COL20A1: variants seen among roughly 807,000 people sequenced by gnomAD.
The protein encoded by COL20A1 is collagen alpha-1(XX) chain.
A neutral mutation model predicts 152.9 loss-of-function variants in COL20A1; 164 were observed. That is an observed-to-expected ratio of 1.07 (90% CI 0.94 to 1.22). COL20A1 has a LOEUF of 1.22. COL20A1 is among the 50% of genes most tolerant of loss of function. The pLI is 0.00. For missense variants in COL20A1, 1,873 were observed against 1,744.8 expected (o/e 1.07, Z -1.31); for synonymous variants, 864 against 756.0 (o/e 1.14, Z -2.34).
intron 3 of COL20A1, among the ~76,000 whole-genome samples, chr20:63,298,458 T>C (rs1299612129): frequency 1.3e-5 from 2 of 152,008 alleles, no homozygotes; most frequent in Admixed American, 1.3e-4. Context: ...TCCTGGCTAA[T>C]TTTTGTATTT....
intron 29 of COL20A1, 99 bp from the exon 30 acceptor site, chr20:63,325,997 G>T: frequency 9.1e-7 from 1 of 1,100,858 alleles, no homozygotes; most frequent in Non-Finnish European, 1.4e-6. Flanking sequence ...TTGCTGCTTG[G>T]GTTACAGGGT....
Position 63,319,603 on chromosome 20 carries a change from G to C in COL20A1, c.2916+7G>C. 6.4e-7 allele frequency: 1 copy of C among 1,556,656 alleles called. No homozygotes were observed. The highest frequency in any genetic ancestry group is 1.7e-4 in the Middle Eastern group (1 of 5,928). On this transcript the variant is annotated splice_region_variant and intron_variant, in intron 23 of 35. Coordinates refer to ENST00000358894, the MANE Select transcript of COL20A1 (RefSeq NM_020882.4). This position sits in a 1 kb window ranked among gnomAD's most constrained non-coding sequence, Gnocchi z 4.4. ...CTTCGGGAGCTTCCACAAGGTCCTG[G>C]TGCAGCTCGCGCCCCTCTCCCCCGT...
Position 63,319,647 on chromosome 20 carries a change from G to A in COL20A1, c.2916+51G>A. The A allele has an allele frequency of 7.4e-7, 1 of 1,345,594 alleles. No individual in the cohort carries two copies. The highest frequency in any genetic ancestry group is 1.0e-6 in the Non-Finnish European group (1 of 965,242). 83.4% of individuals were successfully genotyped at this position (1,345,594 alleles called of 1,614,324 possible). A position where few individuals can be genotyped will look rare whatever the true frequency, so the allele number is the denominator to read the frequency against. ...CCCCCGTTCCCCCAGCTCTGGGGCA[G>A]CCCAGCCCCACAGGGACCTGCCGGA... is the stretch of plus-strand genomic sequence containing the variant. On this transcript the variant is annotated intron_variant, in intron 23 of 35. Coordinates refer to ENST00000358894, the MANE Select transcript of COL20A1 (RefSeq NM_020882.4). This position sits in a 1 kb window ranked among gnomAD's most constrained non-coding sequence, Gnocchi z 4.4.
Position 63,306,163 on chromosome 20 carries a change from C to T in COL20A1, c.496+124C>T, listed in dbSNP as rs191488899. 219 of 844,364 alleles carry T rather than the reference C, an allele frequency of 2.6e-4. No homozygotes were observed. Among genetic ancestry groups the T allele is most frequent in the African/African-American group, 1.7e-3 (98 of 58,178 alleles). The allele number at this position is 844,364 out of a possible 1,614,324, so 52.3% of individuals were successfully genotyped here. On this transcript the variant is annotated intron_variant, in intron 5 of 35. Transcript: ENST00000358894. The surrounding 1 kb of genome is among the most constrained non-coding windows in gnomAD (Gnocchi z 6.9). ...GACCACACGGTCTCTGACCACGAGG[C>T]CAGGAAGTTCTTCCTCGTGTCTGAC...
chr20:63,327,462 C>T lies in COL20A1; in HGVS notation c.3529-490C>T, dbSNP rs142792100. On this transcript the variant is annotated intron_variant, in intron 31 of 35. Transcript: ENST00000358894. ...GCTCCATGGAGGGTAGGGGGACAGA[C>T]GTGGGAGATGGGGGTGTAGTGTCCC... The T allele has an allele frequency of 1.4e-3, 253 of 185,132 alleles. 1 individual carries two copies. Among genetic ancestry groups the T allele is most frequent in the African/African-American group, 5.4e-3 (228 of 42,326 alleles). The allele number at this position is 185,132 out of a possible 1,614,324, so 11.5% of individuals were successfully genotyped here.
rs938519302 is a variant in COL20A1, at chr20:63,332,888, T to C, written c.*2172T>C. ...GCTGAGTACGAATCAAAGGTGAGGA[T>C]GGCAAGGGAGCTGAGAGCAGCCTCC... On this transcript the variant is annotated 3_prime_UTR_variant, in exon 36 of 36. Transcript: ENST00000358894. 10 of 152,190 alleles carry C rather than the reference T, an allele frequency of 6.6e-5. No individual in the cohort carries two copies. Among genetic ancestry groups the C allele is most frequent in the African/African-American group, 2.4e-4 (10 of 41,412 alleles). 9.4% of individuals were successfully genotyped at this position (152,190 alleles called of 1,614,324 possible).
chr20:63,298,144 C>G (rs2123373080), intron 3 of COL20A1, 124 bp downstream of exon 3: 2 of 635,572 alleles, frequency 3.1e-6, no homozygotes, highest in Non-Finnish European at 5.5e-6. Flanking sequence ...GTGTCAGCAC[C>G]TCTCTGGCCT....
intron 2 of COL20A1, 83 bp downstream of exon 2, chr20:63,295,272 CCT>C: frequency 1.2e-6 from 1 of 864,708 alleles, no homozygotes; most frequent in Non-Finnish European, 1.8e-6. Flanking sequence ...GCCCTCCGCC[CCT>C]GAGCCCCGTC....
rs1399450133 is a variant in COL20A1 at position 63,325,276 on chromosome 20, C to G, written c.3295-165C>G. The G allele has an allele frequency of 4.2e-5, 30 of 714,354 alleles. No homozygotes were observed. In the Admixed American group the frequency reaches 5.6e-4, roughly 13 times the overall value. The allele number at this position is 714,354 out of a possible 1,614,324, so 44.3% of individuals were successfully genotyped here. The stretch of plus-strand genomic sequence containing the variant: ...CGCTGCCTGTGTCTCCAGGGAGAGC[C>G]CGGGCCACCCGGACAGATGGGACCA... On this transcript the variant is annotated intron_variant, in intron 27 of 35. Transcript: ENST00000358894.
At chr20:63,325,886 G>A (rs1302881703) in intron 29 of COL20A1, among the ~76,000 whole-genome samples, 165 bp downstream of exon 29, 3 of 152,074 alleles carry the variant, frequency 2.0e-5, no homozygotes, top group East Asian at 3.9e-4. Context: ...CTGGCCAGAA[G>A]GCTGGAGAGC....
chr20:63,308,114 C>T (rs764642477), intron 7 of COL20A1, 24 bp downstream of exon 7: 8 of 1,610,682 alleles, frequency 5.0e-6, no homozygotes, highest in Non-Finnish European at 5.9e-6. Context: ...CTGCCCCTCC[C>T]TCTGTCCTGA....
chr20:63,321,053 C>T lies in COL20A1; in HGVS notation c.3194C>T (p.Ser1065Phe). 2 of 1,602,338 alleles carry T rather than the reference C, an allele frequency of 1.2e-6. No individual in the cohort carries two copies. The highest frequency in any genetic ancestry group is 2.3e-5 in the South Asian group (2 of 88,396). ...TGCCCCGCCTTCGTGTCTGCCTGTT[C>T]CTGTTCCTCAGAGACCCCTGGGCCC... ...ETCPAFVSAC[S>F]CSSETPGPPG... The change falls in exon 26 of 36, where the codon TCC becomes TTC. Residue 1065 changes from serine to phenylalanine, a missense_variant. Physicochemically the swap from Ser to Phe is radical, Grantham distance 155. Coordinates refer to ENST00000358894, the MANE Select transcript of COL20A1 (RefSeq NM_020882.4).
In COL20A1 at chr20:63,310,409, C is replaced by T. The variant is rs749342141; in HGVS notation, c.1292C>T (p.Thr431Met). ...EVVVEGPAAS[T>M]ELHNLASRTE... ...GTGGTGGAGGGACCCGCCGCCTCCACGGAGCTGCACAACCTGGCCTCCCGC... is the reference window on the plus strand; with the variant it reads ...GTGGTGGAGGGACCCGCCGCCTCCATGGAGCTGCACAACCTGGCCTCCCGC... Residue 431 changes from threonine (T) to methionine (M), a missense_variant, in exon 11 of 36, where the codon ACG becomes ATG. Transcript: ENST00000358894. The T allele has an allele frequency of 1.9e-5, 30 of 1,610,782 alleles. No homozygotes were observed. Among genetic ancestry groups the T allele is most frequent in the Middle Eastern group, 1.6e-4 (1 of 6,066 alleles).
chr20:63,305,486 C>G lies in COL20A1; in HGVS notation c.263C>G (p.Ser88Cys). 6.2e-7 allele frequency: 1 copy of G among 1,605,914 alleles called. No homozygotes were observed. The highest frequency in any genetic ancestry group is 8.5e-7 in the Non-Finnish European group (1 of 1,176,728). ...PKATVGGLSP[S>C]KGYTLQIFEL... is the part of the protein sequence containing the mutation. The stretch of plus-strand genomic sequence containing the variant: ...GCCACAGTGGGGGGCCTGAGCCCCT[C>G]CAAGGGCTACACCTTGCAGATCTTC... The change falls in exon 4 of 36, where the codon TCC (serine) becomes TGC (cysteine). Residue 88 changes from serine to cysteine, a missense_variant. Transcript: ENST00000358894. The surrounding 1 kb of genome is among the most constrained non-coding windows in gnomAD (Gnocchi z 4.9).
intron 6 of COL20A1, 26 bp downstream of exon 6, chr20:63,307,674 T>A: frequency 6.2e-7 from 1 of 1,602,224 alleles, no homozygotes; most frequent in South Asian, 1.1e-5. Flanking sequence ...GCCCGCCTCC[T>A]GCCCCACCCG....
chr20:63,294,334 C>A (rs1380841434), intron 1 of COL20A1, among the ~76,000 whole-genome samples: 2 of 151,544 alleles, frequency 1.3e-5, no homozygotes, highest in Non-Finnish European at 2.9e-5. Context: ...CCGAGTGGCA[C>A]CTCTGGGCAC....
intron 2 of COL20A1, among the ~76,000 whole-genome samples, chr20:63,296,825 C>T (rs889946993): frequency 6.6e-6 from 1 of 152,122 alleles, no homozygotes. Flanking sequence ...GTCATTGTGT[C>T]TGCCCCAGTG....
rs775770305 is a variant in COL20A1 at position 63,312,470 on chromosome 20, C to T, written c.1854C>T (p.Ser618=). ...ATSATLGPLS[S]STTYTVRVTC... ...CGGCCACGCTGGGGCCTCTCTCTTC[C>T]TCCACCACCTACACTGTCCGTGTCA... Residue 618 remains serine (S), a synonymous_variant, in exon 15 of 36, where the codon TCC becomes TCT. Coordinates refer to ENST00000358894, the MANE Select transcript of COL20A1 (RefSeq NM_020882.4). 3.1e-6 allele frequency: 5 copies of T among 1,608,686 alleles called. No individual in the cohort carries two copies. The highest frequency in any genetic ancestry group is 1.1e-5 in the South Asian group (1 of 90,806).
At chr20:63,316,424 T>A in intron 20 of COL20A1, 129 bp from the exon 21 acceptor site, 1 of 191,156 alleles carries the variant, frequency 5.2e-6, no homozygotes, top group Non-Finnish European at 9.1e-6. Context: ...CCCACGCCGC[T>A]CCGTCACCCC....
Sources: gnomAD v4.1 joint callset for allele counts (sites outside exome capture counted in the v4.1 genomes callset) on GRCh38, gnomAD v4.1.1 for gene constraint, Gnocchi (gnomAD v3.1) non-coding constraint, MANE v1.5 for transcripts, NCBI Gene and HGNC (gene_info 2026-07-23, HGNC 2026-07-21) for gene names.